Variants in ASCC3 observed in about 807,000 individuals in gnomAD.
ASCC3 encodes ASC-1 complex subunit P200.
In ASCC3, 158 loss-of-function variants were observed where a neutral mutation model predicts 256.3. That is an observed-to-expected ratio of 0.62 (90% confidence interval 0.54 to 0.70). ASCC3 has a LOEUF of 0.70. Ranked by LOEUF, ASCC3 falls within the 30% of genes least tolerant of loss-of-function variation. ASCC3 has a pLI of 0.00. For synonymous variants in ASCC3, 948 were observed against 883.4 expected, an observed-to-expected ratio of 1.07 and a Z score of -1.30; for missense variants, 2,259 against 2,626.0, an observed-to-expected ratio of 0.86 and a Z score of 3.05.
intron 17 of ASCC3, among the ~76,000 whole-genome samples, chr6:100,654,627 TA>T (rs1775828859): frequency 6.6e-6 from 1 of 152,074 alleles, no homozygotes; most frequent in South Asian, 2.1e-4. Flanking sequence ...TTATATGTTA[TA>T]ACAGAGCAAT....
At chr6:100,651,071 G>T (rs571664699) in intron 19 of ASCC3, among the ~76,000 whole-genome samples, 3 of 151,178 alleles carry the variant, frequency 2.0e-5, no homozygotes, top group East Asian at 1.9e-4. Flanking sequence ...CTGGATTAGG[G>T]CAACTTGAAT....
At chr6:100,669,547 C>T (rs548972846) in intron 14 of ASCC3, among the ~76,000 whole-genome samples, 2 of 151,756 alleles carry the variant, frequency 1.3e-5, no homozygotes, top group African/African-American at 4.8e-5. Context: ...AATGCACTAA[C>T]TTAACTAAAA....
intron 21 of ASCC3, 33 bp from the exon 22 acceptor site, chr6:100,646,802 T>G: frequency 2.5e-6 from 4 of 1,606,522 alleles, no homozygotes; most frequent in Non-Finnish European, 3.4e-6. Flanking sequence ...AAGAAATGTG[T>G]CCAGGCAGAA....
intron 36 of ASCC3, among the ~76,000 whole-genome samples, chr6:100,564,715 T>C (rs1770140161): frequency 6.6e-6 from 1 of 152,148 alleles, no homozygotes; most frequent in Non-Finnish European, 1.5e-5. Flanking sequence ...AATATCCTTG[T>C]TGGACTGTTG....
chr6:100,661,323 T>TCATACACACACACA (rs1776183269), intron 16 of ASCC3, among the ~76,000 whole-genome samples: 1 of 141,516 alleles, frequency 7.1e-6, no homozygotes, highest in Non-Finnish European at 1.6e-5. Flanking sequence ...AACACAAAAG[T>TCATACACACACACA]CACACACACA....
intron 6 of ASCC3, among the ~76,000 whole-genome samples, chr6:100,800,045 G>T (rs1769832769): frequency 6.6e-6 from 1 of 151,934 alleles, no homozygotes; most frequent in Non-Finnish European, 1.5e-5. Flanking sequence ...TGTGTACACA[G>T]CACCTAAAAA....
At chr6:100,598,371 T>C (rs1458961850) in intron 34 of ASCC3, among the ~76,000 whole-genome samples, 2 of 152,222 alleles carry the variant, frequency 1.3e-5, no homozygotes, top group Non-Finnish European at 2.9e-5. Flanking sequence ...CTCATTTATT[T>C]ACATGGACTA....
chr6:100,733,599 C>A (rs745748415), intron 10 of ASCC3, among the ~76,000 whole-genome samples: 2 of 152,062 alleles, frequency 1.3e-5, no homozygotes, highest in Non-Finnish European at 2.9e-5. Context: ...CAAATAAATA[C>A]CTTTTCTTTA....
In ASCC3 at chr6:100,530,943, T is replaced by C. The variant is rs1050093982; in HGVS notation, c.5775+9220A>G. ...CTTCTTTTAGACTTCAGTACAGTGATTGCAAATCACGTGTCTAATTATGAT... is the reference window on the plus strand; with the variant it reads ...CTTCTTTTAGACTTCAGTACAGTGACTGCAAATCACGTGTCTAATTATGAT... On this transcript the variant is annotated intron_variant, in intron 37 of 41. Transcript: ENST00000369162. 3.4e-5 allele frequency: 48 copies of C among 1,428,806 alleles called. 1 individual carries two copies. In the Admixed American group the frequency reaches 7.4e-4, roughly 22 times the overall value. 88.5% of individuals were successfully genotyped at this position (1,428,806 alleles called of 1,614,324 possible).
intron 24 of ASCC3, 103 bp downstream of exon 24, chr6:100,642,478 T>C (rs1299249102): frequency 8.4e-7 from 1 of 1,192,814 alleles, no homozygotes; most frequent in Admixed American, 1.7e-5. Flanking sequence ...GAAGTTATAA[T>C]GATTACAAGT....
Position 100,601,938 on chromosome 6 carries a change from A to G in ASCC3, c.5178-3T>C. On this transcript the variant is annotated splice_region_variant and splice_polypyrimidine_tract_variant and intron_variant, in intron 33 of 41. Coordinates refer to ENST00000369162, the MANE Select transcript of ASCC3 (RefSeq NM_006828.4). Reference sequence around the variant, plus strand: ...GGTCAGAGAGCACTCCTAATAAACTATATAGTGAACAAGACATGGGAAGCA... The same window carrying G: ...GGTCAGAGAGCACTCCTAATAAACTGTATAGTGAACAAGACATGGGAAGCA... The G allele has an allele frequency of 1.9e-6, 3 of 1,611,754 alleles. No individual in the cohort carries two copies. Among genetic ancestry groups the G allele is most frequent in the Non-Finnish European group, 2.5e-6 (3 of 1,178,494 alleles).
intron 37 of ASCC3, among the ~76,000 whole-genome samples, chr6:100,523,217 G>A (rs1401476325): frequency 6.6e-6 from 1 of 151,788 alleles, no homozygotes; most frequent in Non-Finnish European, 1.5e-5. Flanking sequence ...TTAACCACTG[G>A]TATTCATTTT....
intron 37 of ASCC3, chr6:100,530,872 T>A: frequency 7.8e-7 from 1 of 1,289,334 alleles, no homozygotes; most frequent in Admixed American, 1.7e-5. Flanking sequence ...TGGAATAAAT[T>A]TTTGTGGAAC....
intron 1 of ASCC3, among the ~76,000 whole-genome samples, chr6:100,873,547 A>C (rs1773851958): frequency 6.6e-6 from 1 of 152,174 alleles, no homozygotes; most frequent in Non-Finnish European, 1.5e-5. Flanking sequence ...ATTCATCACA[A>C]AAAGATCATC....
intron 14 of ASCC3, among the ~76,000 whole-genome samples, chr6:100,674,380 A>G (rs1447663043): frequency 6.6e-6 from 1 of 152,016 alleles, no homozygotes; most frequent in Admixed American, 6.6e-5. Flanking sequence ...AAATTTAATA[A>G]GTATACATAT....
chr6:100,669,969 C>G (rs1776659318), intron 14 of ASCC3, among the ~76,000 whole-genome samples: 1 of 151,474 alleles, frequency 6.6e-6, no homozygotes, highest in East Asian at 1.9e-4. Flanking sequence ...ACATAAAACC[C>G]AGAAACCATA....
At chr6:100,824,071 AC>A (rs1285399155) in intron 4 of ASCC3, among the ~76,000 whole-genome samples, 2 of 152,190 alleles carry the variant, frequency 1.3e-5, no homozygotes, top group African/African-American at 2.4e-5. Context: ...CCATAAATCT[AC>A]AAACTGGGTT....
intron 32 of ASCC3, 151 bp from the exon 33 acceptor site, chr6:100,605,851 G>T: frequency 1.3e-6 from 1 of 781,232 alleles, no homozygotes; most frequent in Non-Finnish European, 2.0e-6. Context: ...CTACTACTAC[G>T]TTGAGTTCCC....
At chr6:100,744,680 T>G (rs1780582918) in intron 10 of ASCC3, among the ~76,000 whole-genome samples, 2 of 152,226 alleles carry the variant, frequency 1.3e-5, no homozygotes, top group Non-Finnish European at 2.9e-5. Context: ...CTATTTATTT[T>G]GTGGTATGTA....
Sources: gnomAD v4.1 joint callset for allele counts (sites outside exome capture counted in the v4.1 genomes callset) on GRCh38, gnomAD v4.1.1 for gene constraint, MANE v1.5 for transcripts, NCBI Gene and HGNC (gene_info 2026-07-23, HGNC 2026-07-21) for gene names.